The following RBPJ variants were observed in gnomAD, a reference collection of about 807,000 sequenced individuals.
The protein encoded by RBPJ is recombining binding protein suppressor of hairless.
RBPJ carries 9 observed loss-of-function variants against 67.8 expected under a neutral mutation model. That is an observed-to-expected ratio of 0.13 (90% CI 0.08 to 0.23). The LOEUF (loss-of-function observed/expected upper bound fraction) is 0.23, where lower values mean the gene tolerates loss of function less well. Among genes scored for constraint, RBPJ ranks in the 10% least tolerant of loss-of-function variants. The pLI is 1.00. For synonymous variants in RBPJ, 198 were observed against 203.3 expected, an observed-to-expected ratio of 0.97 and a Z score of 0.22; for missense variants, 305 against 595.6, an observed-to-expected ratio of 0.51 and a Z score of 5.08.
intron 1 of RBPJ, among the ~76,000 whole-genome samples, chr4:26,223,994 T>A (rs1718999987): frequency 6.6e-6 from 1 of 152,202 alleles, no homozygotes; most frequent in Non-Finnish European, 1.5e-5. Context: ...CTAATTGAGT[T>A]GTTGTGAGAA....
intron 1 of RBPJ, among the ~76,000 whole-genome samples, chr4:26,301,230 C>T (rs1722063926): frequency 6.6e-6 from 1 of 152,214 alleles, no homozygotes; most frequent in Admixed American, 6.5e-5. Flanking sequence ...GAACTAAGAT[C>T]TGACCCATCC....
intron 2 of RBPJ, among the ~76,000 whole-genome samples, chr4:26,387,631 G>T (rs1255061555): frequency 6.6e-6 from 1 of 151,960 alleles, no homozygotes; most frequent in East Asian, 1.9e-4. Flanking sequence ...AAGTGGAGAG[G>T]AATTAACTGT....
upstream of RBPJ, chr4:26,320,457 C>T (rs1722897637): frequency 2.5e-6 from 1 of 402,784 alleles, no homozygotes; most frequent in East Asian, 4.1e-5. Context: ...ATCTCTGGCG[C>T]TCCTGCACCA....
intron 7 of RBPJ, chr4:26,425,018 G>T (rs1326564783): frequency 2.3e-6 from 1 of 435,448 alleles, no homozygotes; most frequent in Admixed American, 4.1e-5. Context: ...CTTTTTGGCT[G>T]TTTATCTGAA....
chr4:26,194,591 C>G (rs1400514268), intron 1 of RBPJ, among the ~76,000 whole-genome samples: 1 of 152,208 alleles, frequency 6.6e-6, no homozygotes, highest in Non-Finnish European at 1.5e-5. Flanking sequence ...TCAGCCATCC[C>G]CCCAGAACAG....
chr4:26,144,331 T>G, the RBPJ span, among the ~76,000 whole-genome samples: 5 of 140,890 alleles, frequency 3.5e-5, no homozygotes, highest in Admixed American at 8.1e-5. Flanking sequence ...AGTGCAGTAG[T>G]GCAGTTTTGG....
intron 1 of RBPJ, among the ~76,000 whole-genome samples, chr4:26,307,485 T>C (rs751699672): frequency 6.6e-6 from 1 of 152,246 alleles, no homozygotes; most frequent in Non-Finnish European, 1.5e-5. Flanking sequence ...AATACAGATA[T>C]AGCTATGCTA....
the RBPJ span, among the ~76,000 whole-genome samples, chr4:26,130,258 C>A: frequency 6.6e-6 from 1 of 152,196 alleles, no homozygotes; most frequent in Non-Finnish European, 1.5e-5. Flanking sequence ...GTTAGGCCAG[C>A]ACATAGTTCA....
chr4:26,161,250 T>C (rs1650643291), upstream of RBPJ, among the ~76,000 whole-genome samples: 5 of 152,136 alleles, frequency 3.3e-5, no homozygotes, highest in South Asian at 1.0e-3. Flanking sequence ...GGGGCAGAAA[T>C]GAGCCATCCC....
upstream of RBPJ, among the ~76,000 whole-genome samples, chr4:26,161,663 G>A (rs1211249238): frequency 2.0e-5 from 3 of 152,170 alleles, no homozygotes; most frequent in Non-Finnish European, 4.4e-5. Context: ...GGCAAGATAA[G>A]CTATAAAATA....
chr4:26,238,870 G>A (rs958417461), intron 1 of RBPJ, among the ~76,000 whole-genome samples: 6 of 152,228 alleles, frequency 3.9e-5, no homozygotes, highest in South Asian at 2.1e-4. Context: ...GAGTGGCGGC[G>A]GCTGTAAGAC....
intron 1 of RBPJ, among the ~76,000 whole-genome samples, chr4:26,233,936 C>G (rs1719370858): frequency 6.6e-6 from 1 of 152,038 alleles, no homozygotes; most frequent in Non-Finnish European, 1.5e-5. Flanking sequence ...GGCAGGAAAC[C>G]ATTTTCAAAA....
chr4:26,214,787 AAGAG>A (rs1209212385), intron 1 of RBPJ, among the ~76,000 whole-genome samples: 1 of 111,116 alleles, frequency 9.0e-6, no homozygotes, highest in African/African-American at 3.7e-5. Flanking sequence ...AAGAAAGAAA[AAGAG>A]AAGGAAGGAA....
At position 26,192,501 on chromosome 4, in the gene RBPJ, C is replaced by T. The variant is rs112924708; in HGVS notation, c.-167+28887C>T. On this transcript the variant is annotated intron_variant, in intron 1 of 4. Coordinates refer to the RBPJ transcript ENST00000512351. ...ACAAAAGGATTATGCAATACCCACT[C>T]ATTAGATTAAAATGGCCAGTATCTA... 6.2e-3 allele frequency among the ~76,000 whole-genome samples: 940 copies of T among 152,290 alleles called. 12 individuals are homozygous for T. The highest frequency in any genetic ancestry group is 9.0e-3 in the Non-Finnish European group (614 of 68,032).
rs1013501221 is a variant in RBPJ, at chr4:26,172,837, A to G, written c.-167+9223A>G. On this transcript the variant is annotated intron_variant, in intron 1 of 4. Coordinates refer to the RBPJ transcript ENST00000512351. ...AGTCATGTTACTCTGCCTAGACTAC[A>G]TAACTTATATGTAGAACTGGGATTC... Among the ~76,000 whole-genome samples the G allele has an allele frequency of 2.6e-5, 4 of 152,300 alleles. No homozygotes were observed. In the East Asian group the frequency reaches 7.7e-4, roughly 29 times the overall value.
intron 1 of RBPJ, among the ~76,000 whole-genome samples, chr4:26,364,419 T>C (rs1728386127): frequency 6.6e-6 from 1 of 152,232 alleles, no homozygotes; most frequent in Non-Finnish European, 1.5e-5. Context: ...TTCTTGGACA[T>C]AATGGTTTCA....
At position 26,431,158 on chromosome 4, in the gene RBPJ, G is replaced by A; in HGVS notation, c.*151G>A. 1 of 223,466 alleles carries A rather than the reference G, an allele frequency of 4.5e-6. No individual in the cohort carries two copies. Among genetic ancestry groups the A allele is most frequent in the Non-Finnish European group, 8.6e-6 (1 of 116,830 alleles). 13.8% of individuals were successfully genotyped at this position (223,466 alleles called of 1,614,324 possible). On this transcript the variant is annotated 3_prime_UTR_variant, in exon 11 of 11. Transcript: ENST00000355476. ...AAAACCCCGTTGTCTCCCTGCAAGT[G>A]CTGATTTGAAATGCAGAAGCCACAG...
At chr4:26,297,378 G>C (rs1281753915) in intron 1 of RBPJ, among the ~76,000 whole-genome samples, 2 of 151,986 alleles carry the variant, frequency 1.3e-5, no homozygotes, top group Middle Eastern at 3.4e-3. Context: ...GAGAGAGAGA[G>C]AGAGAGAGAC....
At chr4:26,422,246 G>A (rs1045394484) in intron 5 of RBPJ, among the ~76,000 whole-genome samples, 11 of 150,612 alleles carry the variant, frequency 7.3e-5, no homozygotes, top group African/African-American at 2.7e-4. Context: ...ATTGATTATA[G>A]TAGTTCAGCT....
Sources: allele counts gnomAD v4.1 joint callset (sites outside exome capture counted in the v4.1 genomes callset), GRCh38; gene constraint gnomAD v4.1.1; transcripts MANE v1.5; gene names NCBI Gene and HGNC (gene_info 2026-07-23, HGNC 2026-07-21).